Variants in DLG2 observed in about 807,000 individuals in gnomAD.
DLG2 encodes discs large MAGUK scaffold protein 2.
A neutral mutation model predicts 132.5 loss-of-function variants in DLG2; 45 were observed. The observed-to-expected ratio is 0.34, with a 90% CI of 0.27 to 0.44. The LOEUF (loss-of-function observed/expected upper bound fraction) is 0.44, where lower values mean the gene tolerates loss of function less well. Among genes scored for constraint, DLG2 ranks in the 20% least tolerant of loss-of-function variants. The pLI is 1.00. For missense variants in DLG2, 1,045 were observed against 1,196.9 expected, an observed-to-expected ratio of 0.87 and a Z score of 1.87; for synonymous variants, 424 against 419.6, an observed-to-expected ratio of 1.01 and a Z score of -0.13.
intron 7 of DLG2, among the ~76,000 whole-genome samples, chr11:84,267,002 A>T (rs923041074): frequency 6.6e-6 from 1 of 152,192 alleles, no homozygotes; most frequent in Non-Finnish European, 1.5e-5. Flanking sequence ...AAACCTCCCA[A>T]ATGCTTATAA....
chr11:85,454,955 T>C (rs1460925098), intron 3 of DLG2, among the ~76,000 whole-genome samples: 1 of 152,218 alleles, frequency 6.6e-6, no homozygotes, highest in Non-Finnish European at 1.5e-5. Flanking sequence ...TCAGGTAACA[T>C]GATACCTCCA....
At chr11:84,228,845 G>A (rs957229389) in intron 8 of DLG2, among the ~76,000 whole-genome samples, 3 of 152,170 alleles carry the variant, frequency 2.0e-5, no homozygotes, top group African/African-American at 7.2e-5. Context: ...CTGTATTGAT[G>A]TCGCCTGGCT....
At chr11:83,858,320 C>A (rs1375618455) in intron 16 of DLG2, among the ~76,000 whole-genome samples, 1 of 152,154 alleles carries the variant, frequency 6.6e-6, no homozygotes. Context: ...CATTTCATAC[C>A]TCTTCCCATT....
chr11:85,066,515 T>C (rs772146292), intron 6 of DLG2, among the ~76,000 whole-genome samples: 3 of 151,510 alleles, frequency 2.0e-5, no homozygotes, highest in Non-Finnish European at 4.4e-5. Context: ...TAGGCCAATA[T>C]ACCTGAAGAT....
At chr11:85,032,475 A>G (rs2061089873) in intron 6 of DLG2, among the ~76,000 whole-genome samples, 1 of 152,224 alleles carries the variant, frequency 6.6e-6, no homozygotes, top group African/African-American at 2.4e-5. Context: ...TTTTAAAGCA[A>G]TCTTTAATGA....
intron 4 of DLG2, among the ~76,000 whole-genome samples, chr11:85,263,995 A>C (rs2077076927): frequency 6.6e-6 from 1 of 152,190 alleles, no homozygotes; most frequent in African/African-American, 2.4e-5. Context: ...GGGAAGTTTT[A>C]TAGGGTCGTG....
chr11:85,385,565 A>T (rs77841577), intron 3 of DLG2, among the ~76,000 whole-genome samples: 5,897 of 152,304 alleles, frequency 0.039, 159 homozygotes, highest in Admixed American at 0.05. Context: ...AGAGGATCAG[A>T]TGTCTCATGC....
At chr11:84,898,306 C>G (rs1306193542) in intron 6 of DLG2, among the ~76,000 whole-genome samples, 2 of 151,794 alleles carry the variant, frequency 1.3e-5, no homozygotes, top group Non-Finnish European at 2.9e-5. Context: ...CATGTTTTTG[C>G]TTTATTGGTT....
At chr11:84,058,061 A>G (rs1158502776) in intron 11 of DLG2, among the ~76,000 whole-genome samples, 1 of 152,168 alleles carries the variant, frequency 6.6e-6, no homozygotes, top group South Asian at 2.1e-4. Flanking sequence ...TGACTCTGCT[A>G]GCAAGTGGTT....
At chr11:84,176,829 C>CATGCT (rs1332198231) in intron 8 of DLG2, among the ~76,000 whole-genome samples, 1 of 152,066 alleles carries the variant, frequency 6.6e-6, no homozygotes, top group Non-Finnish European at 1.5e-5. Flanking sequence ...TCTAACAGTT[C>CATGCT]ATGCTCAAGC....
At chr11:84,537,935 G>A (rs1295120394) in intron 6 of DLG2, among the ~76,000 whole-genome samples, 1 of 152,172 alleles carries the variant, frequency 6.6e-6, no homozygotes, top group African/African-American at 2.4e-5. Flanking sequence ...AAGTAAAAAG[G>A]ACAATCACAT....
At chr11:85,164,520 C>T (rs1039256728) in intron 4 of DLG2, among the ~76,000 whole-genome samples, 1 of 152,146 alleles carries the variant, frequency 6.6e-6, no homozygotes. Flanking sequence ...CAATTATGCT[C>T]TCATAGAAAT....
chr11:85,161,167 GT>G (rs1402872169), intron 4 of DLG2, among the ~76,000 whole-genome samples: 8 of 152,354 alleles, frequency 5.3e-5, no homozygotes, highest in African/African-American at 1.9e-4. Context: ...TCTCCAATGA[GT>G]GACCTCAGCA....
intron 4 of DLG2, among the ~76,000 whole-genome samples, chr11:85,240,865 A>G (rs1417070170): frequency 6.6e-6 from 1 of 151,712 alleles, no homozygotes; most frequent in Non-Finnish European, 1.5e-5. Flanking sequence ...GGTAAGCCAT[A>G]CCTCTTTACT....
At position 85,612,378 on chromosome 11, in the gene DLG2, C is replaced by T. The variant is rs140876252; in HGVS notation, c.-92-13590G>A. Among the ~76,000 whole-genome samples the T allele has an allele frequency of 8.2e-3, 1,252 of 152,292 alleles. 18 individuals are homozygous for T. The highest frequency in any genetic ancestry group is 0.029 in the African/African-American group (1,219 of 41,560). ...AGGACAGGATGATAGATGGTTCCTCCCAGGCAAGTAAGGAAACAAAGACAC... is the reference window on the plus strand; with the variant it reads ...AGGACAGGATGATAGATGGTTCCTCTCAGGCAAGTAAGGAAACAAAGACAC... On this transcript the variant is annotated intron_variant, in intron 2 of 27. Coordinates refer to ENST00000376104, the MANE Select transcript of DLG2 (RefSeq NM_001142699.3).
intron 10 of DLG2, among the ~76,000 whole-genome samples, chr11:84,081,326 T>C (rs1261386526): frequency 6.6e-6 from 1 of 152,104 alleles, no homozygotes; most frequent in Admixed American, 6.6e-5. Context: ...ATAATACTGA[T>C]ATTGAGTGTT....
At chr11:85,121,767 C>G (rs1438648471) in intron 5 of DLG2, among the ~76,000 whole-genome samples, 1 of 152,172 alleles carries the variant, frequency 6.6e-6, no homozygotes, top group Non-Finnish European at 1.5e-5. Flanking sequence ...TGTCTCTTAA[C>G]TGAATAGTTT....
At chr11:83,539,150 G>A (rs1184847980) in intron 20 of DLG2, among the ~76,000 whole-genome samples, 6 of 152,076 alleles carry the variant, frequency 3.9e-5, no homozygotes, top group Non-Finnish European at 7.4e-5. Context: ...AGTGTCTAGC[G>A]TGCAACAGGA....
At chr11:85,049,738 T>C (rs1442562224) in intron 6 of DLG2, among the ~76,000 whole-genome samples, 1 of 152,042 alleles carries the variant, frequency 6.6e-6, no homozygotes, top group Admixed American at 6.6e-5. Flanking sequence ...CCATCAGTAA[T>C]GTAAGAATCT....
Sources: allele counts gnomAD v4.1 joint callset (sites outside exome capture counted in the v4.1 genomes callset), GRCh38; gene constraint gnomAD v4.1.1; transcripts MANE v1.5; gene names NCBI Gene and HGNC (gene_info 2026-07-23, HGNC 2026-07-21).